Variants in USH2A observed in about 807,000 individuals in gnomAD.
USH2A encodes the protein Usher syndrome 2A (autosomal recessive, mild).
A neutral mutation model predicts 538.9 loss-of-function variants in USH2A; 443 were observed. The ratio of observed to expected loss-of-function variants is 0.82; its 90% confidence interval spans 0.76 to 0.89. The LOEUF is 0.89. Among genes scored for constraint, USH2A ranks in the 40% least tolerant of loss-of-function variants. USH2A has a pLI of 0.00. For synonymous variants in USH2A, 2,413 were observed against 2,273.5 expected, an observed-to-expected ratio of 1.06 and a Z score of -1.75; for missense variants, 6,633 against 6,324.8, an observed-to-expected ratio of 1.05 and a Z score of -1.65.
At chr1:216,298,431 T>G (rs1163106540) in intron 9 of USH2A, among the ~76,000 whole-genome samples, 3 of 152,212 alleles carry the variant, frequency 2.0e-5, no homozygotes, top group Admixed American at 6.5e-5. Context: ...AAAAGCCTAA[T>G]TGTAAATAAG....
At chr1:215,625,948 T>C in intron 71 of USH2A, 78 bp from the exon 72 acceptor site, 1 of 1,418,496 alleles carries the variant, frequency 7.0e-7, no homozygotes. Flanking sequence ...TTATATCAAT[T>C]AAGTGTAAAA....
intron 62 of USH2A, among the ~76,000 whole-genome samples, chr1:215,679,070 T>C (rs1658138097): frequency 6.6e-6 from 1 of 152,216 alleles, no homozygotes; most frequent in Non-Finnish European, 1.5e-5. Context: ...CTGGCTTCTG[T>C]CCACATGTAG....
At chr1:216,023,471 A>AAAAAAAAAAAAAAAAAAAAAAAAAAC in intron 32 of USH2A, among the ~76,000 whole-genome samples, 3 of 149,194 alleles carry the variant, frequency 2.0e-5, no homozygotes, top group Non-Finnish European at 4.5e-5. Flanking sequence ...AAAAAAAAAA[A>AAAAAAAAAAAAAAAAAAAAAAAAAAC]AAAAAAAAAA....
At chr1:216,145,734 C>T (rs2033684470) in intron 21 of USH2A, among the ~76,000 whole-genome samples, 1 of 152,080 alleles carries the variant, frequency 6.6e-6, no homozygotes, top group African/African-American at 2.4e-5. Context: ...GATGACATTC[C>T]ACCACAAAAG....
At chr1:216,163,545 C>T (rs2034105711) in intron 21 of USH2A, among the ~76,000 whole-genome samples, 2 of 151,718 alleles carry the variant, frequency 1.3e-5, no homozygotes, top group South Asian at 2.1e-4. Flanking sequence ...TGATTGAATG[C>T]CCGACATTGT....
chr1:216,344,571 T>C (rs1456979192), intron 4 of USH2A, among the ~76,000 whole-genome samples: 4 of 152,014 alleles, frequency 2.6e-5, no homozygotes, highest in African/African-American at 9.7e-5. Flanking sequence ...TGGTGAACCA[T>C]GGAAGGGACA....
intron 21 of USH2A, among the ~76,000 whole-genome samples, chr1:216,138,942 G>GTATA (rs549349020): frequency 6.9e-6 from 1 of 144,756 alleles, no homozygotes; most frequent in African/African-American, 2.6e-5. Context: ...GTGTGTGTGT[G>GTATA]TATATATATG....
At chr1:216,093,090 G>A (rs112113025) in intron 22 of USH2A, among the ~76,000 whole-genome samples, 26,735 of 151,844 alleles carry the variant, frequency 0.18, 2,643 homozygotes, top group African/African-American at 0.24. Context: ...TCAGTCTCCC[G>A]AGTAGCGGGG....
intron 9 of USH2A, among the ~76,000 whole-genome samples, chr1:216,300,742 T>G (rs1032707892): frequency 2.5e-5 from 3 of 122,308 alleles, no homozygotes; most frequent in Admixed American, 8.1e-5. Context: ...AGACTCAATG[T>G]TTTTTTTTTT....
intron 32 of USH2A, among the ~76,000 whole-genome samples, chr1:216,003,854 T>C (rs1290466949): frequency 3.3e-5 from 5 of 152,120 alleles, no homozygotes; most frequent in African/African-American, 4.8e-5. Flanking sequence ...GACGTATAGA[T>C]GGTAGTGAGC....
chr1:216,346,250 G>A (rs553856809), intron 4 of USH2A, among the ~76,000 whole-genome samples: 1 of 152,154 alleles, frequency 6.6e-6, no homozygotes, highest in Non-Finnish European at 1.5e-5. Context: ...TTAAAAGTCA[G>A]CTTAATTAAA....
At chr1:215,640,510 G>T (rs1336489356) in intron 68 of USH2A, 48 bp downstream of exon 68, 1 of 1,610,474 alleles carries the variant, frequency 6.2e-7, no homozygotes, top group Admixed American at 1.7e-5. Flanking sequence ...CCGTAAAGCT[G>T]GGGAACAGAG....
chr1:215,952,040 C>A (rs1081810), intron 37 of USH2A, among the ~76,000 whole-genome samples: 125,537 of 149,276 alleles, frequency 0.84, 52,983 homozygotes, highest in East Asian at 0.98. Context: ...AATTTTTTGT[C>A]TTTTTAGTAG....
At chr1:215,847,603 C>T (rs939817014) in intron 44 of USH2A, among the ~76,000 whole-genome samples, 4 of 151,506 alleles carry the variant, frequency 2.6e-5, no homozygotes, top group African/African-American at 9.7e-5. Context: ...TGAGATCGTG[C>T]CACTGTACTC....
In USH2A at chr1:216,421,851, C is replaced by T; in HGVS notation, c.485+1G>A. 1 of 1,613,866 alleles carries T rather than the reference C, an allele frequency of 6.2e-7. No individual in the cohort carries two copies. Among genetic ancestry groups the T allele is most frequent in the South Asian group, 1.1e-5 (1 of 91,080 alleles). Reference sequence around the variant, plus strand: ...AAGCTTATACCTACACTACTACTTACATTACACCTTGTTGCTCAGGTTTCA... The same window carrying T: ...AAGCTTATACCTACACTACTACTTATATTACACCTTGTTGCTCAGGTTTCA... On this transcript the variant is annotated splice_donor_variant, in intron 2 of 71. Transcript: ENST00000307340. LOFTEE classifies it high-confidence loss of function.
chr1:215,636,621 GC>G (rs1229344981), intron 69 of USH2A, among the ~76,000 whole-genome samples: 1 of 152,164 alleles, frequency 6.6e-6, no homozygotes, highest in Non-Finnish European at 1.5e-5. Context: ...GGCCCAGTGG[GC>G]CCCTTGCTCC....
At chr1:215,987,972 A>T (rs1458603876) in intron 35 of USH2A, among the ~76,000 whole-genome samples, 2 of 152,090 alleles carry the variant, frequency 1.3e-5, no homozygotes, top group Non-Finnish European at 2.9e-5. Context: ...CACTGTTCTT[A>T]ATCTTTTTTT....
intron 30 of USH2A, among the ~76,000 whole-genome samples, chr1:216,056,522 A>G (rs544703975): frequency 2.0e-5 from 3 of 152,284 alleles, no homozygotes; most frequent in African/African-American, 7.2e-5. Flanking sequence ...TACTCCTCCC[A>G]TTTGACCTAA....
intron 66 of USH2A, among the ~76,000 whole-genome samples, chr1:215,648,067 A>C (rs760325002): frequency 1.2e-4 from 19 of 152,008 alleles, no homozygotes; most frequent in Non-Finnish European, 2.6e-4. Context: ...AGAGTAAATA[A>C]TTTTTTTTCT....
Sources: allele counts gnomAD v4.1 joint callset (sites outside exome capture counted in the v4.1 genomes callset), GRCh38; gene constraint gnomAD v4.1.1; transcripts MANE v1.5; gene names NCBI Gene and HGNC (gene_info 2026-07-23, HGNC 2026-07-21).